The following PTPRD variants were observed in gnomAD, a reference collection of about 807,000 sequenced individuals.
PTPRD encodes receptor-type tyrosine-protein phosphatase delta.
In PTPRD, 34 loss-of-function variants were observed where a neutral mutation model predicts 214.5. The observed-to-expected ratio is 0.16, with a 90% CI of 0.12 to 0.21. PTPRD has a LOEUF of 0.21. Among genes scored for constraint, PTPRD ranks in the 10% least tolerant of loss-of-function variants. The pLI, the probability that PTPRD is intolerant of heterozygous loss-of-function variation, is 1.00. For missense variants in PTPRD, 2,545 were observed against 2,398.7 expected (o/e 1.06, Z -1.27); for synonymous variants, 1,128 against 845.7 (o/e 1.33, Z -5.79).
At chr9:10,073,514 A>G (rs1334056360) in intron 3 of PTPRD, among the ~76,000 whole-genome samples, 2 of 152,180 alleles carry the variant, frequency 1.3e-5, no homozygotes, top group East Asian at 3.9e-4. Context: ...AAAATTAAAT[A>G]AATCCCAGTA....
intron 12 of PTPRD, among the ~76,000 whole-genome samples, chr9:8,709,047 T>A (rs1430650464): frequency 3.3e-5 from 5 of 151,900 alleles, no homozygotes; most frequent in Admixed American, 3.3e-4. Context: ...TCTGAAAAAC[T>A]GATTTCATAG....
At chr9:8,678,885 T>A (rs1446798659) in intron 12 of PTPRD, among the ~76,000 whole-genome samples, 1 of 152,218 alleles carries the variant, frequency 6.6e-6, no homozygotes, top group Admixed American at 6.5e-5. Flanking sequence ...AAAGGGTGAT[T>A]TAAACAACCT....
At chr9:8,811,135 A>G (rs1207317030) in intron 11 of PTPRD, among the ~76,000 whole-genome samples, 1 of 152,188 alleles carries the variant, frequency 6.6e-6, no homozygotes, top group Non-Finnish European at 1.5e-5. Context: ...CCAGCAACTA[A>G]GAAAAACTGT....
At position 8,370,207 on chromosome 9, in the gene PTPRD, TAC is replaced by T. The variant is rs78658053; in HGVS notation, c.4661+5727_4661+5728del. Among the ~76,000 whole-genome samples, 372 of 82,048 alleles carry T rather than the reference TAC, an allele frequency of 4.5e-3. 4 individuals carry two copies. Among genetic ancestry groups the T allele is most frequent in the African/African-American group, 7.9e-3 (214 of 27,078 alleles). 53.8% of individuals were successfully genotyped at this position (82,048 alleles called of 152,430 possible). On this transcript the variant is annotated intron_variant, in intron 39 of 45. Transcript: ENST00000381196. ...TATTCATGCACTGCACATATATATA[TAC>T]ACACACACACACACACACACACACA... is the stretch of plus-strand genomic sequence containing the variant.
At chr9:9,005,773 C>T (rs780932829) in intron 11 of PTPRD, among the ~76,000 whole-genome samples, 16 of 151,862 alleles carry the variant, frequency 1.1e-4, no homozygotes, top group Admixed American at 2.6e-4. Flanking sequence ...TCTTTTCAGA[C>T]GAGGAAATCA....
chr9:9,016,485 A>G (rs1408155986), intron 11 of PTPRD, among the ~76,000 whole-genome samples: 1 of 152,138 alleles, frequency 6.6e-6, no homozygotes, highest in Admixed American at 6.6e-5. Flanking sequence ...ATGAGAGAAT[A>G]TATGTAAAAC....
At chr9:10,343,673 CTG>C (rs1299369047) in intron 2 of PTPRD, among the ~76,000 whole-genome samples, 2 of 152,146 alleles carry the variant, frequency 1.3e-5, no homozygotes, top group Non-Finnish European at 2.9e-5. Context: ...GCCATTCTAA[CTG>C]GAGTAAGATG....
At chr9:9,955,153 G>C (rs533764046) in intron 4 of PTPRD, among the ~76,000 whole-genome samples, 140 of 152,238 alleles carry the variant, frequency 9.2e-4, no homozygotes, top group African/African-American at 3.3e-3. Context: ...GTCCTCTTAA[G>C]TAAGCACTGT....
At chr9:9,836,219 C>A (rs2056711510) in intron 5 of PTPRD, among the ~76,000 whole-genome samples, 1 of 152,236 alleles carries the variant, frequency 6.6e-6, no homozygotes, top group East Asian at 1.9e-4. Context: ...CCTAGAGTAG[C>A]CCCAGAATGT....
chr9:10,229,569 G>C (rs2099601183), intron 3 of PTPRD, among the ~76,000 whole-genome samples: 1 of 152,072 alleles, frequency 6.6e-6, no homozygotes, highest in East Asian at 1.9e-4. Context: ...GGATGAAGCT[G>C]GAAGCTATCA....
At chr9:10,109,638 C>G (rs1226427749) in intron 3 of PTPRD, among the ~76,000 whole-genome samples, 1 of 151,932 alleles carries the variant, frequency 6.6e-6, no homozygotes, top group Non-Finnish European at 1.5e-5. Context: ...CTTCTTTGAC[C>G]CAAGTCATAT....
chr9:8,556,717 T>C lies in PTPRD; in HGVS notation c.353-27938A>G, dbSNP rs544979667. ...TTAGTTACATATGCTTATTCTGTCTTAGAATGTACAAATTTATCATTTTGA... is the reference window on the plus strand; with the variant it reads ...TTAGTTACATATGCTTATTCTGTCTCAGAATGTACAAATTTATCATTTTGA... On this transcript the variant is annotated intron_variant, in intron 14 of 45. Transcript: ENST00000381196. Among the ~76,000 whole-genome samples, 5 of 152,236 alleles carry C rather than the reference T, an allele frequency of 3.3e-5. No homozygotes were observed. In the South Asian group the frequency reaches 1.0e-3, roughly 32 times the overall value.
intron 10 of PTPRD, among the ~76,000 whole-genome samples, chr9:9,168,815 T>G (rs1355531655): frequency 6.6e-6 from 1 of 152,094 alleles, no homozygotes; most frequent in Non-Finnish European, 1.5e-5. Flanking sequence ...CGGGTACATT[T>G]GAATAAGACC....
intron 4 of PTPRD, among the ~76,000 whole-genome samples, chr9:9,949,395 G>A (rs918445746): frequency 6.6e-6 from 1 of 152,032 alleles, no homozygotes; most frequent in East Asian, 1.9e-4. Context: ...ATTCTATGAT[G>A]TTTTTTATTT....
At chr9:9,078,733 A>G (rs776568614) in intron 10 of PTPRD, among the ~76,000 whole-genome samples, 7 of 152,086 alleles carry the variant, frequency 4.6e-5, no homozygotes, top group Non-Finnish European at 7.4e-5. Context: ...TATGGTTGCA[A>G]CAGAGGACCC....
rs536607069 is a variant in PTPRD, at chr9:8,876,057, C to A, written c.-103-142111G>T. On this transcript the variant is annotated intron_variant, in intron 11 of 45. Coordinates refer to ENST00000381196, the MANE Select transcript of PTPRD (RefSeq NM_002839.4). ...GATTTTTCTCTTACTTAGACCTTAT[C>A]ATATCCTAACTGATAAATCTCTGCT... Among the ~76,000 whole-genome samples the A allele has an allele frequency of 2.0e-5, 3 of 152,184 alleles. No individual in the cohort carries two copies. The South Asian group carries it at 6.2e-4, about 31-fold the overall frequency.
intron 7 of PTPRD, among the ~76,000 whole-genome samples, chr9:9,611,744 T>C (rs1047826225): frequency 1.2e-4 from 19 of 152,134 alleles, no homozygotes; most frequent in Non-Finnish European, 2.5e-4. Flanking sequence ...TTGACTGATG[T>C]AGAAGTATTT....
rs114288979 is a variant in PTPRD at position 8,980,345 on chromosome 9, T to C, written c.-104+38352A>G. 7.3e-3 allele frequency among the ~76,000 whole-genome samples: 1,117 copies of C among 152,108 alleles called. 14 individuals carry two copies. Among genetic ancestry groups the C allele is most frequent in the African/African-American group, 0.024 (1,015 of 41,500 alleles). ...ATGTGGACTAAAGTTAATAAAATTG[T>C]ATTATATTAGGGATTTAAAAAAATA... On this transcript the variant is annotated intron_variant, in intron 11 of 45. Coordinates refer to ENST00000381196, the MANE Select transcript of PTPRD (RefSeq NM_002839.4).
At chr9:8,694,301 T>A (rs2097863476) in intron 12 of PTPRD, among the ~76,000 whole-genome samples, 1 of 152,126 alleles carries the variant, frequency 6.6e-6, no homozygotes, top group Non-Finnish European at 1.5e-5. Flanking sequence ...AGTTGTAATT[T>A]TTTTTTTCAT....
Sources: gnomAD v4.1 joint callset for allele counts (sites outside exome capture counted in the v4.1 genomes callset) on GRCh38, gnomAD v4.1.1 for gene constraint, MANE v1.5 for transcripts, NCBI Gene and HGNC (gene_info 2026-07-23, HGNC 2026-07-21) for gene names.